The following STK39 variants were observed in gnomAD, a reference collection of about 807,000 sequenced individuals.
STK39 encodes serine/threonine kinase 39, also known as STE20/SPS1-related proline-alanine-rich protein kinase.
STK39 carries 20 observed loss-of-function variants against 77.8 expected under a neutral mutation model. The ratio of observed to expected loss-of-function variants is 0.26; its 90% CI spans 0.18 to 0.37. The LOEUF (loss-of-function observed/expected upper bound fraction) is 0.37. STK39 is among the 10% of genes least tolerant of loss of function. The pLI, the probability that STK39 is intolerant of heterozygous loss-of-function variation, is 1.00. For synonymous variants in STK39, 246 were observed against 234.1 expected (o/e 1.05, Z -0.47); for missense variants, 479 against 656.5 (o/e 0.73, Z 2.95).
At chr2:168,224,551 C>A (rs779810899) in intron 1 of STK39, among the ~76,000 whole-genome samples, 9 of 152,134 alleles carry the variant, frequency 5.9e-5, no homozygotes, top group African/African-American at 2.2e-4. Context: ...CCAAAGCAAT[C>A]AAATAGAGAT....
chr2:168,025,935 C>G lies in STK39; in HGVS notation c.1377-8840G>C, dbSNP rs1254400120. On this transcript the variant is annotated intron_variant, in intron 14 of 17. Transcript: ENST00000355999. Reference sequence around the variant, plus strand: ...CTGAGCCCAATTTGGAGTTAATCCACTTACCAGCAATGACATTCAGTAAGC... The same window carrying G: ...CTGAGCCCAATTTGGAGTTAATCCAGTTACCAGCAATGACATTCAGTAAGC... Among the ~76,000 whole-genome samples, 12 of 152,306 alleles carry G rather than the reference C, an allele frequency of 7.9e-5. No individual in the cohort carries two copies. In the South Asian group the frequency reaches 8.3e-4, roughly 11 times the overall value.
At chr2:168,135,725 T>A (rs113712069) in intron 8 of STK39, among the ~76,000 whole-genome samples, 1 of 152,118 alleles carries the variant, frequency 6.6e-6, no homozygotes, top group African/African-American at 2.4e-5. Context: ...CATAGATTTT[T>A]CCCCCCGCAA....
At chr2:168,242,557 AAAAATATATAT>A (rs1690788267) in intron 1 of STK39, among the ~76,000 whole-genome samples, 2 of 59,118 alleles carry the variant, frequency 3.4e-5, no homozygotes, top group African/African-American at 7.8e-5. Context: ...AAAAAAAAAA[AAAAATATATAT>A]ATATATATAT....
At chr2:168,136,095 G>A (rs192919210) in intron 8 of STK39, among the ~76,000 whole-genome samples, 62 of 151,880 alleles carry the variant, frequency 4.1e-4, no homozygotes, top group East Asian at 2.1e-3. Context: ...TGGACCGGGT[G>A]CGGTAGCTCA....
At chr2:168,211,376 G>A (rs1304012681) in intron 1 of STK39, among the ~76,000 whole-genome samples, 1 of 152,080 alleles carries the variant, frequency 6.6e-6, no homozygotes, top group Non-Finnish European at 1.5e-5. Flanking sequence ...ATTATTTATT[G>A]GTCAGCACAC....
chr2:168,059,027 G>T (rs1329333648), intron 14 of STK39, among the ~76,000 whole-genome samples: 2 of 152,220 alleles, frequency 1.3e-5, no homozygotes, highest in Non-Finnish European at 2.9e-5. Context: ...CCTTGGCTCT[G>T]CCTGCACTGG....
At chr2:168,241,927 C>A (rs1331890990) in intron 1 of STK39, among the ~76,000 whole-genome samples, 2 of 152,238 alleles carry the variant, frequency 1.3e-5, no homozygotes, top group Non-Finnish European at 2.9e-5. Flanking sequence ...GCGTCAGTGA[C>A]CGCCATTGCA....
chr2:168,169,798 G>A (rs1276489020), intron 2 of STK39, among the ~76,000 whole-genome samples: 1 of 152,190 alleles, frequency 6.6e-6, no homozygotes, highest in Non-Finnish European at 1.5e-5. Context: ...AGGGGTCACA[G>A]ATACTGCCAC....
At chr2:168,247,020 G>A (rs1338777169) in intron 1 of STK39, among the ~76,000 whole-genome samples, 1 of 132,564 alleles carries the variant, frequency 7.5e-6, no homozygotes, top group Non-Finnish European at 1.6e-5. Flanking sequence ...GCCGCCTCCT[G>A]CAGCACCAAC....
intron 1 of STK39, among the ~76,000 whole-genome samples, chr2:168,246,945 C>G (rs1690927191): frequency 6.6e-6 from 1 of 151,802 alleles, no homozygotes; most frequent in Non-Finnish European, 1.5e-5. Context: ...TCCACCGCCC[C>G]GGCGATCCCT....
chr2:168,161,924 T>C, intron 4 of STK39, 82 bp from the exon 5 acceptor site: 1 of 977,414 alleles, frequency 1.0e-6, no homozygotes, highest in Non-Finnish European at 1.6e-6. Flanking sequence ...TTTTAAAACA[T>C]ATCATACAAC....
At chr2:168,004,404 G>A (rs1684070889) in intron 16 of STK39, among the ~76,000 whole-genome samples, 1 of 152,136 alleles carries the variant, frequency 6.6e-6, no homozygotes. Flanking sequence ...GAAATGAGCT[G>A]AAGGCATCTC....
intron 10 of STK39, among the ~76,000 whole-genome samples, chr2:168,112,639 T>C (rs1002704482): frequency 7.2e-5 from 11 of 152,166 alleles, no homozygotes; most frequent in Non-Finnish European, 2.9e-5. Flanking sequence ...TATAGCAGTA[T>C]GAAAACAAAC....
At chr2:168,035,040 C>T (rs921470657) in intron 14 of STK39, among the ~76,000 whole-genome samples, 1 of 152,154 alleles carries the variant, frequency 6.6e-6, no homozygotes, top group Non-Finnish European at 1.5e-5. Flanking sequence ...GCCAAACCGC[C>T]ATGTATTTGA....
intron 10 of STK39, among the ~76,000 whole-genome samples, chr2:168,118,751 G>C (rs1687325992): frequency 6.6e-6 from 1 of 151,992 alleles, no homozygotes; most frequent in African/African-American, 2.4e-5. Flanking sequence ...CACAGACACA[G>C]AGCAAAAGGA....
intron 1 of STK39, among the ~76,000 whole-genome samples, chr2:168,221,765 G>A (rs757471187): frequency 6.6e-6 from 1 of 152,022 alleles, no homozygotes. Flanking sequence ...TTCTTCTTTG[G>A]ATCACCAAGA....
intron 16 of STK39, among the ~76,000 whole-genome samples, chr2:167,987,966 C>A (rs1418168895): frequency 2.0e-5 from 3 of 152,232 alleles, no homozygotes; most frequent in Non-Finnish European, 4.4e-5. Flanking sequence ...GAGGTTGGAA[C>A]TCGTATTTGC....
At chr2:168,030,146 A>G in intron 14 of STK39, among the ~76,000 whole-genome samples, 1 of 152,202 alleles carries the variant, frequency 6.6e-6, no homozygotes, top group East Asian at 1.9e-4. Flanking sequence ...AGGCTGAGGC[A>G]GGAGAATGGC....
At chr2:167,974,005 G>C (rs1396062663) in intron 16 of STK39, among the ~76,000 whole-genome samples, 4 of 152,166 alleles carry the variant, frequency 2.6e-5, no homozygotes, top group Admixed American at 2.0e-4. Context: ...AGACTGGAAA[G>C]ATTTGTCTAT....
Sources: allele counts gnomAD v4.1 joint callset (sites outside exome capture counted in the v4.1 genomes callset), GRCh38; gene constraint gnomAD v4.1.1; transcripts MANE v1.5; gene names NCBI Gene and HGNC (gene_info 2026-07-23, HGNC 2026-07-21).